ARHGAP26: variants seen among roughly 807,000 people sequenced by gnomAD.
ARHGAP26 encodes rho GTPase-activating protein 26.
A neutral mutation model predicts 104.8 loss-of-function variants in ARHGAP26; 38 were observed. That is an observed-to-expected ratio of 0.36 (90% CI 0.28 to 0.48). The LOEUF (loss-of-function observed/expected upper bound fraction) is 0.48, where lower values mean the gene tolerates loss of function less well. Among genes scored for constraint, ARHGAP26 ranks in the 20% least tolerant of loss-of-function variants. The pLI, the probability that ARHGAP26 is intolerant of heterozygous loss-of-function variation, is 0.99. For missense variants in ARHGAP26, 704 were observed against 947.9 expected (o/e 0.74, Z 3.38); for synonymous variants, 341 against 340.0 (o/e 1.00, Z -0.03).
intron 21 of ARHGAP26, chr5:143,207,527 G>T: frequency 6.3e-7 from 1 of 1,594,304 alleles, no homozygotes. Flanking sequence ...GCTGGCCAGG[G>T]ACAACAGGGG....
intron 11 of ARHGAP26, among the ~76,000 whole-genome samples, chr5:142,932,405 C>T (rs37184): frequency 0.2 from 30,405 of 152,132 alleles, 3,620 homozygotes; most frequent in East Asian, 0.46. Context: ...TTCAGCCTCC[C>T]GTAGTAACTT....
chr5:142,981,941 A>G (rs1364086969), intron 11 of ARHGAP26, among the ~76,000 whole-genome samples: 1 of 152,258 alleles, frequency 6.6e-6, no homozygotes, highest in African/African-American at 2.4e-5. Flanking sequence ...ATTTATTGAC[A>G]TAGAAGAGGC....
chr5:142,999,990 C>G (rs1776972645), intron 11 of ARHGAP26, among the ~76,000 whole-genome samples: 1 of 151,938 alleles, frequency 6.6e-6, no homozygotes, highest in African/African-American at 2.4e-5. Context: ...AAAGATGGCC[C>G]AATACATACA....
Position 143,139,207 on chromosome 5 carries a change from A to G in ARHGAP26, c.1837+5102A>G, listed in dbSNP as rs183260098. The stretch of plus-strand genomic sequence containing the variant: ...ATTTGAACCTCATCTAATAATAACA[A>G]TAAAAATAAAAATAATTATAGCTCT... On this transcript the variant is annotated intron_variant, in intron 19 of 22. Coordinates refer to ENST00000645722, the MANE Select transcript of ARHGAP26 (RefSeq NM_001135608.3). 2.1e-3 allele frequency among the ~76,000 whole-genome samples: 313 copies of G among 152,330 alleles called. 3 individuals carry two copies. The highest frequency in any genetic ancestry group is 7.2e-3 in the African/African-American group (301 of 41,570).
In ARHGAP26 at chr5:142,801,339, C is replaced by T. The variant is rs59808603; in HGVS notation, c.154+30424C>T. On this transcript the variant is annotated intron_variant, in intron 1 of 22. Transcript: ENST00000645722. ...AGTCATAGCGAATAGAAATTGATGA[C>T]GCCCTATGTGCCAGACCTTAAAATC... 7.3e-3 allele frequency among the ~76,000 whole-genome samples: 1,108 copies of T among 152,156 alleles called. 19 individuals carry two copies. Among genetic ancestry groups the T allele is most frequent in the Non-Finnish European group, 7.4e-3 (504 of 68,002 alleles).
intron 17 of ARHGAP26, among the ~76,000 whole-genome samples, chr5:143,079,104 C>T (rs1330767468): frequency 6.6e-6 from 1 of 152,202 alleles, no homozygotes; most frequent in Non-Finnish European, 1.5e-5. Flanking sequence ...CTGCAGAAGG[C>T]CTGTCTCTCC....
At chr5:143,087,919 G>A (rs887468353) in intron 17 of ARHGAP26, among the ~76,000 whole-genome samples, 2 of 151,968 alleles carry the variant, frequency 1.3e-5, no homozygotes, top group East Asian at 3.9e-4. Flanking sequence ...AAAGTGCTGG[G>A]ATTACAGGCA....
At chr5:143,116,899 C>T (rs1377301171) in intron 17 of ARHGAP26, among the ~76,000 whole-genome samples, 3 of 152,180 alleles carry the variant, frequency 2.0e-5, no homozygotes, top group African/African-American at 7.2e-5. Context: ...TCATGCCCCT[C>T]GGGAGATCCA....
chr5:143,041,802 G>T lies in ARHGAP26; in HGVS notation c.1211-14G>T. Reference sequence around the variant, plus strand: ...ACGTGCCTCTAATTAAATCATCACTGTTTCTTTCCTCAGGGATCAACGAGC... The same window carrying T: ...ACGTGCCTCTAATTAAATCATCACTTTTTCTTTCCTCAGGGATCAACGAGC... On this transcript the variant is annotated splice_polypyrimidine_tract_variant and intron_variant, in intron 13 of 22. Transcript: ENST00000645722. The T allele has an allele frequency of 6.2e-7, 1 of 1,601,848 alleles. No homozygotes were observed. The highest frequency in any genetic ancestry group is 1.7e-5 in the Admixed American group (1 of 58,806).
intron 21 of ARHGAP26, among the ~76,000 whole-genome samples, chr5:143,212,399 T>C (rs954432143): frequency 1.4e-4 from 21 of 152,000 alleles, no homozygotes; most frequent in African/African-American, 2.9e-4. Flanking sequence ...CCCTGGAAAG[T>C]TGCACATAGG....
At chr5:142,818,584 T>C (rs966054785) in intron 1 of ARHGAP26, among the ~76,000 whole-genome samples, 4 of 152,220 alleles carry the variant, frequency 2.6e-5, no homozygotes, top group Non-Finnish European at 5.9e-5. Context: ...CCTTTATTTA[T>C]TAGCTATATC....
chr5:142,933,998 G>A (rs1009308365), intron 11 of ARHGAP26, among the ~76,000 whole-genome samples: 1 of 152,118 alleles, frequency 6.6e-6, no homozygotes, highest in African/African-American at 2.4e-5. Flanking sequence ...TCATAGGGGA[G>A]GAAGTGCCCA....
rs1778775262 is a variant in ARHGAP26 at position 143,011,664 on chromosome 5, C to T, written c.1108-2416C>T. 4.6e-5 allele frequency among the ~76,000 whole-genome samples: 7 copies of T among 152,164 alleles called. No individual in the cohort carries two copies. In the South Asian group the frequency reaches 1.5e-3, roughly 32 times the overall value. On this transcript the variant is annotated intron_variant, in intron 11 of 22. Coordinates refer to ENST00000645722, the MANE Select transcript of ARHGAP26 (RefSeq NM_001135608.3). ...ATTTGGTCTTAGCTTCTCTCCAACC[C>T]CTTTGTTTGTGCAGGTGCTGTGTGG...
intron 22 of ARHGAP26, among the ~76,000 whole-genome samples, chr5:143,220,788 TCAAGGTGTACC>T (rs2151430897): frequency 6.6e-6 from 1 of 152,330 alleles, no homozygotes; most frequent in African/African-American, 2.4e-5. Context: ...AAGGAGGCAC[TCAAGGTGTACC>T]CAAAGTTGAC....
intron 1 of ARHGAP26, among the ~76,000 whole-genome samples, chr5:142,827,674 G>A (rs1281849419): frequency 1.3e-5 from 2 of 152,184 alleles, no homozygotes; most frequent in Non-Finnish European, 2.9e-5. Context: ...GAGTTAATGT[G>A]GGAGTCTGTT....
chr5:143,111,665 T>G (rs958467732), intron 17 of ARHGAP26, among the ~76,000 whole-genome samples: 8 of 152,228 alleles, frequency 5.3e-5, no homozygotes, highest in African/African-American at 1.9e-4. Flanking sequence ...GACACTGTCT[T>G]AGAGAGCTAT....
At chr5:143,166,799 C>G (rs1035435828) in intron 20 of ARHGAP26, among the ~76,000 whole-genome samples, 3 of 152,164 alleles carry the variant, frequency 2.0e-5, no homozygotes, top group Admixed American at 2.0e-4. Flanking sequence ...AGAGCACGTT[C>G]GAAGACTGCC....
At chr5:142,899,397 CAGCT>C (rs1256793140) in intron 6 of ARHGAP26, among the ~76,000 whole-genome samples, 1 of 152,118 alleles carries the variant, frequency 6.6e-6, no homozygotes, top group East Asian at 1.9e-4. Context: ...ATTATGTTGT[CAGCT>C]AGGAAGTAGG....
In ARHGAP26 at chr5:143,109,885, T is replaced by C. The variant is rs554447764; in HGVS notation, c.1539-11103T>C. ...TCTAATTGCTTTTCATCTCACTCAG[T>C]CAAGAACAAAGCTTTTACAGTGGCC... is the stretch of plus-strand genomic sequence containing the variant. On this transcript the variant is annotated intron_variant, in intron 17 of 22. Coordinates refer to ENST00000645722, the MANE Select transcript of ARHGAP26 (RefSeq NM_001135608.3). 1.5e-4 allele frequency among the ~76,000 whole-genome samples: 23 copies of C among 152,318 alleles called. No individual in the cohort carries two copies. The East Asian group carries it at 3.9e-3, about 26-fold the overall frequency.
Sources: allele counts gnomAD v4.1 joint callset (sites outside exome capture counted in the v4.1 genomes callset), GRCh38; gene constraint gnomAD v4.1.1; transcripts MANE v1.5; gene names NCBI Gene and HGNC (gene_info 2026-07-23, HGNC 2026-07-21).